The following DCUN1D2 variants were observed in gnomAD, a reference collection of about 807,000 sequenced individuals.
DCUN1D2 encodes the protein defective in cullin neddylation 1 domain containing 2, also known as DCN1-like protein 2.
In DCUN1D2, 29 loss-of-function variants were observed where a neutral mutation model predicts 30.9. The ratio of observed to expected loss-of-function variants is 0.94; its 90% CI spans 0.70 to 1.28. DCUN1D2 has a LOEUF of 1.28. Among genes scored for constraint, DCUN1D2 ranks in the 50% most tolerant of loss-of-function variants. The probability of loss-of-function intolerance (pLI) is 0.00; values close to 1 mark genes in which losing one functional copy is unlikely to be tolerated. For missense variants in DCUN1D2, 325 were observed against 316.9 expected (o/e 1.03, Z -0.19); for synonymous variants, 121 against 115.3 (o/e 1.05, Z -0.32).
chr13:113,459,711 G>GTA lies in DCUN1D2; in HGVS notation c.604-305_604-304dup, dbSNP rs1414225233. ...CTCGTTACCTGCCCATTAGCTGCAT[G>GTA]TATATATATATTCACGAACAGCTCA... On this transcript the variant is annotated intron_variant, in intron 5 of 6. Transcript: ENST00000478244. Among the ~76,000 whole-genome samples, 10 of 152,066 alleles carry GTA rather than the reference G, an allele frequency of 6.6e-5. No homozygotes were observed. In the East Asian group the frequency reaches 9.6e-4, roughly 15 times the overall value.
At chr13:113,490,940 G>A, upstream of DCUN1D2, 1 of 211,062 alleles carries the variant, frequency 4.7e-6, no homozygotes. The surrounding 1 kb of genome is among the most constrained non-coding windows in gnomAD (Gnocchi z 5.2). Flanking sequence ...CCCCACGCCG[G>A]CCAGGAAGTG....
intron 5 of DCUN1D2, among the ~76,000 whole-genome samples, chr13:113,459,995 C>G (rs1196253177): frequency 2.6e-5 from 4 of 152,262 alleles, no homozygotes; most frequent in Non-Finnish European, 5.9e-5. Flanking sequence ...TCATCCCCTT[C>G]TCCACGCACA....
Position 113,471,520 on chromosome 13 carries a change from G to C in DCUN1D2, c.520+2604C>G, listed in dbSNP as rs138724778. On this transcript the variant is annotated intron_variant, in intron 4 of 6. Transcript: ENST00000478244. ...TCTCCCTGAAATTAAAAAAAGATTA[G>C]AAAGTACTTACTGAAAACACTCAGC... Among the ~76,000 whole-genome samples the C allele has an allele frequency of 1.7e-3, 257 of 152,296 alleles. 3 individuals carry two copies. Among genetic ancestry groups the C allele is most frequent in the African/African-American group, 5.9e-3 (244 of 41,554 alleles).
At chr13:113,459,558 T>C (rs1566490995) in intron 5 of DCUN1D2, 150 bp from the exon 6 acceptor site, 2 of 506,226 alleles carry the variant, frequency 4.0e-6, no homozygotes, top group Non-Finnish European at 7.0e-6. Context: ...TAGCGTTCTG[T>C]ATAAATGTTA....
intron 4 of DCUN1D2, among the ~76,000 whole-genome samples, chr13:113,464,854 C>T (rs1290869506): frequency 6.6e-6 from 1 of 152,262 alleles, no homozygotes; most frequent in East Asian, 1.9e-4. Context: ...TCATTACTAA[C>T]CCAGGCAGCC....
chr13:113,465,024 CAT>C (rs769379469), intron 4 of DCUN1D2, among the ~76,000 whole-genome samples: 37 of 152,218 alleles, frequency 2.4e-4, no homozygotes, highest in Non-Finnish European at 1.2e-4. Flanking sequence ...ATAATACCTA[CAT>C]ATGACAGTCA....
chr13:113,456,820 T>G lies in DCUN1D2; in HGVS notation c.*1209A>C, dbSNP rs528909291. 1.3e-5 allele frequency: 2 copies of G among 155,554 alleles called. No individual in the cohort carries two copies. The highest frequency in any genetic ancestry group is 3.8e-4 in the East Asian group (2 of 5,314). The allele number at this position is 155,554 out of a possible 1,614,324, so 9.6% of individuals were successfully genotyped here. ...CACAGGGGCACAAAGGTCTGGATGC[T>G]GGGCACTACGGGTACCACAAGAGGA... On this transcript the variant is annotated 3_prime_UTR_variant, in exon 7 of 7. Transcript: ENST00000478244.
chr13:113,471,600 GT>G (rs1296664335), intron 4 of DCUN1D2, among the ~76,000 whole-genome samples: 1 of 152,232 alleles, frequency 6.6e-6, no homozygotes, highest in African/African-American at 2.4e-5. Context: ...ACACATTTTA[GT>G]AAAATTACTG....
In DCUN1D2 at chr13:113,457,895, T is replaced by C. The variant is rs1021939441; in HGVS notation, c.*134A>G. The C allele has an allele frequency of 1.2e-6, 1 of 838,238 alleles. No individual in the cohort carries two copies. The highest frequency in any genetic ancestry group is 2.4e-5 in the East Asian group (1 of 40,830). 51.9% of individuals were successfully genotyped at this position (838,238 alleles called of 1,614,324 possible). A position where few individuals can be genotyped will look rare whatever the true frequency, so the allele number is the denominator to read the frequency against. On this transcript the variant is annotated 3_prime_UTR_variant, in exon 7 of 7. Transcript: ENST00000478244. ...AGCCGCTGGCTGTCCTCCGGCAGAA[T>C]GGGATGGCGCCTCTGGTTTCATGGC...
rs2044757854 is a variant in DCUN1D2, at chr13:113,484,003, A to C, written c.57T>G (p.Thr19=). 2 of 1,614,084 alleles carry C rather than the reference A, an allele frequency of 1.2e-6. No individual in the cohort carries two copies. The highest frequency in any genetic ancestry group is 1.7e-6 in the Non-Finnish European group (2 of 1,180,062). ...AGATAGCAGTTCTCTCGCCAGCCTGAGTGCACGCCATAAACTGGCGGACCT... is the reference window on the plus strand; with the variant it reads ...AGATAGCAGTTCTCTCGCCAGCCTGCGTGCACGCCATAAACTGGCGGACCT... ...KDKVRQFMAC[T]QAGERTAIYC... is the part of the protein sequence containing the mutation. The change falls in exon 2 of 7, where the codon ACT becomes ACG. Residue 19 remains threonine (T), a synonymous_variant. Transcript: ENST00000478244.
At chr13:113,462,772 G>T in intron 4 of DCUN1D2, 1 of 1,078,714 alleles carries the variant, frequency 9.3e-7, no homozygotes, top group Non-Finnish European at 1.1e-6. Context: ...CTAAGAAGAT[G>T]ATTAGTCTTG....
At chr13:113,489,203 T>C in intron 1 of DCUN1D2, 1 of 957,368 alleles carries the variant, frequency 1.0e-6, no homozygotes, top group Non-Finnish European at 1.2e-6. Context: ...AATTCATCCC[T>C]GCTCTTGGAT....
chr13:113,481,055 T>A (rs539423249), intron 2 of DCUN1D2, among the ~76,000 whole-genome samples: 14 of 152,280 alleles, frequency 9.2e-5, no homozygotes, highest in African/African-American at 3.4e-4. Flanking sequence ...AAATAAAAAT[T>A]TAAGTTTACA....
In DCUN1D2 at chr13:113,456,648, G is replaced by C. The variant is rs897725553; in HGVS notation, c.*1381C>G. On this transcript the variant is annotated 3_prime_UTR_variant, in exon 7 of 7. Coordinates refer to ENST00000478244, the MANE Select transcript of DCUN1D2 (RefSeq NM_001014283.2). ...CTCAATACCAGCCCTCCACACCTCGGCAGCACTCGTGGGTCCTCCTCAACC... is the reference window on the plus strand; with the variant it reads ...CTCAATACCAGCCCTCCACACCTCGCCAGCACTCGTGGGTCCTCCTCAACC... The C allele has an allele frequency of 1.2e-5, 4 of 327,282 alleles. No individual in the cohort carries two copies. The highest frequency in any genetic ancestry group is 8.5e-5 in the African/African-American group (4 of 46,916). The allele number at this position is 327,282 out of a possible 1,614,324, so 20.3% of individuals were successfully genotyped here.
chr13:113,475,981 G>A (rs1319207294), intron 3 of DCUN1D2: 5 of 152,354 alleles, frequency 3.3e-5, no homozygotes, highest in South Asian at 2.1e-4. Context: ...GGAACTCAGC[G>A]TGCACCACCT....
At chr13:113,490,919 C>A (rs986626804), upstream of DCUN1D2, 17 of 230,024 alleles carry the variant, frequency 7.4e-5, no homozygotes, top group African/African-American at 3.9e-4. The surrounding 1 kb of genome is among the most constrained non-coding windows in gnomAD (Gnocchi z 5.2). Flanking sequence ...CGCCAGCCTG[C>A]GGCTGCCAGG....
In DCUN1D2 at chr13:113,461,063, T is replaced by A. The variant is rs556740435; in HGVS notation, c.594A>T (p.Thr198=). The change falls in exon 5 of 7, where the codon ACA becomes ACT. Residue 198 remains threonine, a synonymous_variant. Transcript: ENST00000478244. The stretch of plus-strand genomic sequence containing the variant: ...GCAGGAGGACACTTACCATTAAGAA[T>A]GTGTTCCAGAGATCTAAAAATTTAA... ...GRFKFLDLWN[T]FLMEHHKRSI... is the part of the protein sequence containing the mutation. The A allele has an allele frequency of 6.2e-7, 1 of 1,605,472 alleles. No individual in the cohort carries two copies. Among genetic ancestry groups the A allele is most frequent in the South Asian group, 1.1e-5 (1 of 90,386 alleles).
rs2044840743 is a variant in DCUN1D2 at position 113,488,135 on chromosome 13, T to G, written c.3+2532A>C. On this transcript the variant is annotated intron_variant, in intron 1 of 6. Transcript: ENST00000478244. The surrounding 1 kb of genome is among the most constrained non-coding windows in gnomAD (Gnocchi z 4.3). ...GCAGGAGCACATGGATCCAGGCCACTCAAAATGGCTTTGAATCACTACTGT... is the reference window on the plus strand; with the variant it reads ...GCAGGAGCACATGGATCCAGGCCACGCAAAATGGCTTTGAATCACTACTGT... Among the ~76,000 whole-genome samples the G allele has an allele frequency of 6.6e-6, 1 of 152,206 alleles. No individual in the cohort carries two copies.
intron 3 of DCUN1D2, among the ~76,000 whole-genome samples, chr13:113,475,677 A>C (rs912433330): frequency 6.6e-6 from 1 of 152,172 alleles, no homozygotes; most frequent in Non-Finnish European, 1.5e-5. Flanking sequence ...GCTTGAGGCC[A>C]GGAGTTTGAG....
Sources: gnomAD v4.1 joint callset for allele counts (sites outside exome capture counted in the v4.1 genomes callset) on GRCh38, gnomAD v4.1.1 for gene constraint, Gnocchi (gnomAD v3.1) non-coding constraint, MANE v1.5 for transcripts, NCBI Gene and HGNC (gene_info 2026-07-23, HGNC 2026-07-21) for gene names.